CDKAL1: variants seen among roughly 807,000 people sequenced by gnomAD.
CDKAL1 encodes the protein CDKAL1 threonylcarbamoyladenosine tRNA methylthiotransferase, also known as threonylcarbamoyladenosine tRNA methylthiotransferase.
In CDKAL1, 32 loss-of-function variants were observed where a neutral mutation model predicts 68.2. That is an observed-to-expected ratio of 0.47 (90% CI 0.35 to 0.63). CDKAL1 has a LOEUF of 0.63. CDKAL1 is among the 30% of genes least tolerant of loss of function. The pLI is 0.00. For missense variants in CDKAL1, 606 were observed against 696.7 expected (o/e 0.87, Z 1.47); for synonymous variants, 234 against 244.3 (o/e 0.96, Z 0.39).
intron 8 of CDKAL1, among the ~76,000 whole-genome samples, chr6:20,785,238 G>C (rs935078576): frequency 6.6e-6 from 1 of 151,660 alleles, no homozygotes; most frequent in Non-Finnish European, 1.5e-5. Context: ...CTTATCACTT[G>C]CTCTCACATG....
In CDKAL1 at chr6:20,843,172, T is replaced by C. The variant is rs553287374; in HGVS notation, c.639-2903T>C. ...GACATGATAATGCATAATTATTTCC[T>C]CACAGAATTGTTTAATAGTCACATT... On this transcript the variant is annotated intron_variant, in intron 8 of 15. Transcript: ENST00000274695. 3.9e-4 allele frequency among the ~76,000 whole-genome samples: 59 copies of C among 152,222 alleles called. No homozygotes were observed. In the South Asian group the frequency reaches 0.012, roughly 31 times the overall value.
At chr6:20,558,709 A>G in intron 4 of CDKAL1, 1 of 407,718 alleles carries the variant, frequency 2.5e-6, no homozygotes, top group South Asian at 1.8e-5. Flanking sequence ...AAGGTCAAGG[A>G]TGTGTTGTTC....
At position 21,011,246 on chromosome 6, in the gene CDKAL1, C is replaced by T. The variant is rs188739378; in HGVS notation, c.1055+10874C>T. On this transcript the variant is annotated intron_variant, in intron 11 of 15. Transcript: ENST00000274695. ...AATAGACAAAAAAATTAGCCGGGCG[C>T]GGTGGCGGGCACCTGTAGTCCCAGC... Among the ~76,000 whole-genome samples the T allele has an allele frequency of 7.9e-4, 99 of 124,968 alleles. No homozygotes were observed. The East Asian group carries it at 0.011, about 14-fold the overall frequency. 82.0% of individuals were successfully genotyped at this position (124,968 alleles called of 152,430 possible).
At chr6:21,122,020 A>T (rs1774746850) in intron 13 of CDKAL1, among the ~76,000 whole-genome samples, 1 of 152,190 alleles carries the variant, frequency 6.6e-6, no homozygotes, top group African/African-American at 2.4e-5. Flanking sequence ...ATTTCATTTT[A>T]AAAATAACTA....
intron 13 of CDKAL1, among the ~76,000 whole-genome samples, chr6:21,134,770 G>A (rs1318883857): frequency 6.6e-6 from 1 of 151,852 alleles, no homozygotes; most frequent in Non-Finnish European, 1.5e-5. Context: ...TGTAATGCAG[G>A]GATTCAAACT....
At chr6:20,719,932 C>T (rs564617749) in intron 5 of CDKAL1, among the ~76,000 whole-genome samples, 3 of 152,266 alleles carry the variant, frequency 2.0e-5, no homozygotes, top group Non-Finnish European at 2.9e-5. Context: ...AAGCCTGGTA[C>T]GTATTTTAAA....
intron 4 of CDKAL1, among the ~76,000 whole-genome samples, chr6:20,553,646 C>T (rs778973449): frequency 9.9e-5 from 15 of 152,156 alleles, no homozygotes; most frequent in Non-Finnish European, 2.1e-4. Context: ...AGTCTCACTC[C>T]GCTGCCCAGG....
intron 4 of CDKAL1, among the ~76,000 whole-genome samples, chr6:20,557,196 T>C (rs1764091243): frequency 6.6e-6 from 1 of 152,072 alleles, no homozygotes; most frequent in East Asian, 1.9e-4. Flanking sequence ...AGTTATATAT[T>C]GAATAGAACT....
chr6:20,566,427 C>A (rs1303780067), intron 4 of CDKAL1, among the ~76,000 whole-genome samples: 1 of 152,040 alleles, frequency 6.6e-6, no homozygotes, highest in African/African-American at 2.4e-5. Flanking sequence ...TGAAAAAGAA[C>A]AAGAAAAATG....
intron 10 of CDKAL1, among the ~76,000 whole-genome samples, chr6:20,983,613 C>T (rs915795340): frequency 5.3e-5 from 8 of 152,056 alleles, no homozygotes; most frequent in South Asian, 2.1e-4. Context: ...CCCAGCTACT[C>T]GGGAGGCTGA....
chr6:20,797,338 A>G (rs1348795813), intron 8 of CDKAL1, among the ~76,000 whole-genome samples: 1 of 152,220 alleles, frequency 6.6e-6, no homozygotes, highest in Non-Finnish European at 1.5e-5. Context: ...AAAAATATTG[A>G]TAGTACCAGG....
At chr6:20,632,760 C>G (rs1767729903) in intron 4 of CDKAL1, among the ~76,000 whole-genome samples, 1 of 152,200 alleles carries the variant, frequency 6.6e-6, no homozygotes, top group Admixed American at 6.5e-5. Context: ...CTGAGTTTGG[C>G]TCTGAAGACT....
chr6:21,186,080 CA>C (rs1183044102), intron 13 of CDKAL1, among the ~76,000 whole-genome samples: 20 of 140,366 alleles, frequency 1.4e-4, no homozygotes, highest in Admixed American at 1.2e-3. Context: ...GGGGGTGGGG[CA>C]GGGGGGGTCA....
intron 10 of CDKAL1, among the ~76,000 whole-genome samples, chr6:20,983,050 A>T (rs562862597): frequency 6.6e-6 from 1 of 152,224 alleles, no homozygotes; most frequent in Non-Finnish European, 1.5e-5. Context: ...CTGGCTTACC[A>T]TGTAGTAACT....
chr6:20,914,027 C>G (rs762009344), intron 9 of CDKAL1, among the ~76,000 whole-genome samples: 1 of 152,068 alleles, frequency 6.6e-6, no homozygotes, highest in Admixed American at 6.5e-5. Context: ...TGGTGGCTCA[C>G]GCCTGTGATC....
intron 11 of CDKAL1, among the ~76,000 whole-genome samples, chr6:21,002,004 A>G (rs909061889): frequency 1.3e-5 from 2 of 152,164 alleles, no homozygotes; most frequent in Non-Finnish European, 2.9e-5. Flanking sequence ...CCTCTCTTTT[A>G]TCTTTATTTG....
At chr6:21,008,627 C>G (rs749688547) in intron 11 of CDKAL1, among the ~76,000 whole-genome samples, 3 of 152,168 alleles carry the variant, frequency 2.0e-5, no homozygotes, top group Admixed American at 2.0e-4. Context: ...TTGAGTTGTA[C>G]TAACGTCTAA....
intron 9 of CDKAL1, among the ~76,000 whole-genome samples, chr6:20,904,046 T>G (rs545592389): frequency 1.3e-5 from 2 of 152,296 alleles, no homozygotes; most frequent in East Asian, 3.9e-4. Context: ...ATACACTTGG[T>G]CTAAGAGAAG....
At chr6:20,678,069 A>T (rs1770199211) in intron 5 of CDKAL1, among the ~76,000 whole-genome samples, 2 of 148,130 alleles carry the variant, frequency 1.4e-5, no homozygotes. Flanking sequence ...AGTAACACTG[A>T]ATCTAGATTA....
Sources: allele counts gnomAD v4.1 joint callset (sites outside exome capture counted in the v4.1 genomes callset), GRCh38; gene constraint gnomAD v4.1.1; transcripts MANE v1.5; gene names NCBI Gene and HGNC (gene_info 2026-07-23, HGNC 2026-07-21).